SEMA6A: variants seen among roughly 807,000 people sequenced by gnomAD.
SEMA6A encodes the protein semaphorin 6A, also known as semaphorin-6A.
Under a neutral mutation model 96.8 loss-of-function variants are expected in SEMA6A, and 25 were observed. The observed-to-expected ratio is 0.26, with a 90% CI of 0.19 to 0.36. The LOEUF (loss-of-function observed/expected upper bound fraction) is 0.36. SEMA6A is among the 10% of genes least tolerant of loss of function. The pLI, the probability that SEMA6A is intolerant of heterozygous loss-of-function variation, is 1.00. For missense variants in SEMA6A, 1,363 were observed against 1,323.1 expected (o/e 1.03, Z -0.47); for synonymous variants, 612 against 518.0 (o/e 1.18, Z -2.46).
chr5:116,528,533 A>C (rs1759327516), intron 1 of SEMA6A, among the ~76,000 whole-genome samples: 1 of 152,200 alleles, frequency 6.6e-6, no homozygotes, highest in East Asian at 1.9e-4. Context: ...CACTCAGCTA[A>C]TGAGCTTGCG....
chr5:116,524,775 C>CACACACACACACACAG (rs1554090329), intron 1 of SEMA6A, among the ~76,000 whole-genome samples: 2 of 145,588 alleles, frequency 1.4e-5, no homozygotes, highest in Non-Finnish European at 3.0e-5. Flanking sequence ...TATGTATACA[C>CACACACACACACACAG]ACACACACAC....
chr5:116,470,978 G>T (rs1402985875), intron 17 of SEMA6A, among the ~76,000 whole-genome samples: 3 of 152,212 alleles, frequency 2.0e-5, no homozygotes, highest in Non-Finnish European at 4.4e-5. Flanking sequence ...TTTGCCGAAT[G>T]AATTAGTGAA....
chr5:116,566,689 A>G (rs1360525618), intron 1 of SEMA6A, among the ~76,000 whole-genome samples: 3 of 152,202 alleles, frequency 2.0e-5, no homozygotes, highest in Admixed American at 2.0e-4. Flanking sequence ...GATTTTTCTC[A>G]CTGATAAGAA....
At chr5:116,503,709 T>G (rs153642) in intron 2 of SEMA6A, among the ~76,000 whole-genome samples, 143,942 of 151,990 alleles carry the variant, frequency 0.95, 68,261 homozygotes, top group East Asian at 1. Context: ...GTAGAGACAG[T>G]TTTCACCATG....
chr5:116,507,045 G>A (rs565884657), intron 1 of SEMA6A, among the ~76,000 whole-genome samples: 5 of 152,282 alleles, frequency 3.3e-5, no homozygotes, highest in Admixed American at 2.6e-4. Flanking sequence ...AAGCTGGCAG[G>A]AAGAGCAATG....
intron 17 of SEMA6A, among the ~76,000 whole-genome samples, chr5:116,469,878 A>C (rs2112658423): frequency 6.6e-6 from 1 of 152,326 alleles, no homozygotes; most frequent in East Asian, 1.9e-4. Context: ...AGGTAAGAGA[A>C]TGTTTTACAC....
chr5:116,558,053 A>T lies in SEMA6A; in HGVS notation c.-39+16132T>A, dbSNP rs958866860. Among the ~76,000 whole-genome samples, 6 of 152,340 alleles carry T rather than the reference A, an allele frequency of 3.9e-5. 1 individual carries two copies. In the East Asian group the frequency reaches 1.2e-3, roughly 29 times the overall value. On this transcript the variant is annotated intron_variant, in intron 1 of 18. Coordinates refer to ENST00000343348, the MANE Select transcript of SEMA6A (RefSeq NM_020796.5). ...ATGTTTACTTCTAATATGCCTTTAA[A>T]ATAAGACATCCAAACAAACAGTTTC...
chr5:116,526,098 G>A (rs1407144732), intron 1 of SEMA6A, among the ~76,000 whole-genome samples: 2 of 152,044 alleles, frequency 1.3e-5, no homozygotes, highest in Admixed American at 6.6e-5. Context: ...GGGCTTTGGA[G>A]GGATGGCTCT....
intron 1 of SEMA6A, among the ~76,000 whole-genome samples, chr5:116,564,401 ATTATT>A (rs1460589600): frequency 2.0e-5 from 3 of 152,198 alleles, no homozygotes; most frequent in Non-Finnish European, 4.4e-5. Context: ...CCAGTGTGAG[ATTATT>A]TTATGTTTTA....
chr5:116,506,086 G>A (rs143600175), intron 1 of SEMA6A, among the ~76,000 whole-genome samples: 6 of 152,316 alleles, frequency 3.9e-5, no homozygotes, highest in African/African-American at 1.4e-4. Flanking sequence ...TAAGATTTGT[G>A]TGTAGAAATG....
At chr5:116,533,608 T>C (rs1219666212) in intron 1 of SEMA6A, among the ~76,000 whole-genome samples, 2 of 152,230 alleles carry the variant, frequency 1.3e-5, no homozygotes, top group South Asian at 4.1e-4. Context: ...TGTAGCTGTT[T>C]GGAAGGACTG....
intron 1 of SEMA6A, among the ~76,000 whole-genome samples, chr5:116,546,814 A>AT (rs1430936616): frequency 6.6e-6 from 1 of 152,196 alleles, no homozygotes; most frequent in Non-Finnish European, 1.5e-5. Flanking sequence ...CCTGCAAACT[A>AT]TACTGAGCCC....
intron 13 of SEMA6A, 83 bp downstream of exon 13, chr5:116,478,459 G>A (rs774627364): frequency 1.2e-5 from 17 of 1,364,784 alleles, no homozygotes; most frequent in Admixed American, 1.1e-4. Flanking sequence ...TAAAACCTCA[G>A]TCGGTCATGA....
At position 116,488,922 on chromosome 5, in the gene SEMA6A, C is replaced by A; in HGVS notation, c.621G>T (p.Leu207=). Residue 207 remains leucine (L), a synonymous_variant, in exon 8 of 19, where the codon CTG becomes CTT. Transcript: ENST00000343348. ...IYRSLGESPT[L]RTVKHDSKWL... ...ATTTTGAATCGTGCTTGACGGTCCG[C>A]AGGGTAGGGCTTTCTCCAAGACTCC... 1 of 1,588,196 alleles carries A rather than the reference C, an allele frequency of 6.3e-7. No individual in the cohort carries two copies. The highest frequency in any genetic ancestry group is 8.6e-7 in the Non-Finnish European group (1 of 1,166,224).
intron 18 of SEMA6A, among the ~76,000 whole-genome samples, chr5:116,448,510 T>G (rs570786744): frequency 6.6e-6 from 1 of 152,224 alleles, no homozygotes; most frequent in South Asian, 2.1e-4. Flanking sequence ...AACCAAGTTA[T>G]CCTGAGTCTG....
chr5:116,526,993 T>G (rs946035459), intron 1 of SEMA6A, among the ~76,000 whole-genome samples: 2 of 152,168 alleles, frequency 1.3e-5, no homozygotes, highest in African/African-American at 4.8e-5. Flanking sequence ...AAGTAAATTT[T>G]GCATTCCCCA....
intron 15 of SEMA6A, among the ~76,000 whole-genome samples, chr5:116,477,128 C>CAA (rs1278585840): frequency 1.3e-5 from 2 of 152,194 alleles, no homozygotes; most frequent in African/African-American, 4.8e-5. Context: ...CACAACCCAT[C>CAA]AAAGATAAAC....
intron 2 of SEMA6A, among the ~76,000 whole-genome samples, chr5:116,502,842 C>T (rs562303069): frequency 6.6e-6 from 1 of 152,338 alleles, no homozygotes; most frequent in East Asian, 1.9e-4. Context: ...TGGAATAATC[C>T]ACTATTGAAG....
chr5:116,467,541 C>A, intron 18 of SEMA6A, 42 bp downstream of exon 18: 1 of 1,566,136 alleles, frequency 6.4e-7, no homozygotes, highest in East Asian at 2.3e-5. Flanking sequence ...CCACTTTTCC[C>A]TCCCTCTCCC....
Sources: allele counts gnomAD v4.1 joint callset (sites outside exome capture counted in the v4.1 genomes callset), GRCh38; gene constraint gnomAD v4.1.1; transcripts MANE v1.5; gene names NCBI Gene and HGNC (gene_info 2026-07-23, HGNC 2026-07-21).